The following ADGRB2 variants were observed in gnomAD, a reference collection of about 807,000 sequenced individuals.
ADGRB2 encodes adhesion G protein-coupled receptor B2, also known as brain-specific angiogenesis inhibitor 2.
ADGRB2 carries 47 observed loss-of-function variants against 178.7 expected under a neutral mutation model. The observed-to-expected ratio is 0.26, with a 90% CI of 0.21 to 0.34. ADGRB2 has a LOEUF of 0.34. ADGRB2 is among the 10% of genes least tolerant of loss of function. The probability of loss-of-function intolerance (pLI) is 1.00; values close to 1 mark genes in which losing one functional copy is unlikely to be tolerated. For missense variants in ADGRB2, 1,584 were observed against 2,180.8 expected, an observed-to-expected ratio of 0.73 and a Z score of 5.45; for synonymous variants, 870 against 912.4, an observed-to-expected ratio of 0.95 and a Z score of 0.84.
rs1645951377 is a variant in ADGRB2 at position 31,741,293 on chromosome 1, G to A, written c.1794+80C>T. On this transcript the variant is annotated intron_variant, in intron 11 of 32. Coordinates refer to ENST00000373658, the MANE Select transcript of ADGRB2 (RefSeq NM_001364857.2). The surrounding 1 kb of genome is among the most constrained non-coding windows in gnomAD (Gnocchi z 6.5). ...CATATGCCAAGGCACGTGGGAACGAGCGAGAATCACGCTCCCTCCACCCCC... is the reference window on the plus strand; with the variant it reads ...CATATGCCAAGGCACGTGGGAACGAACGAGAATCACGCTCCCTCCACCCCC... The A allele has an allele frequency of 2.0e-5, 28 of 1,420,046 alleles. No homozygotes were observed. The South Asian group carries it at 3.6e-4, about 18-fold the overall frequency. The allele number at this position is 1,420,046 out of a possible 1,614,324, so 88.0% of individuals were successfully genotyped here. A position where few individuals can be genotyped will look rare whatever the true frequency, so the allele number is the denominator to read the frequency against.
chr1:31,732,749 C>A, intron 26 of ADGRB2, 137 bp from the exon 27 acceptor site: 1 of 1,170,898 alleles, frequency 8.5e-7, no homozygotes. Flanking sequence ...GGTGATGACA[C>A]CTGGGCAGGG....
At chr1:31,749,546 C>T (rs139052793) in intron 4 of ADGRB2, among the ~76,000 whole-genome samples, 2 of 152,364 alleles carry the variant, frequency 1.3e-5, no homozygotes, top group African/African-American at 4.8e-5. Context: ...CACTTTCTAC[C>T]ATATAGGTTC....
At chr1:31,745,575 A>G (rs550075913) in intron 4 of ADGRB2, among the ~76,000 whole-genome samples, 16 of 152,164 alleles carry the variant, frequency 1.1e-4, no homozygotes, top group African/African-American at 3.1e-4. Flanking sequence ...CTCTCCCACA[A>G]TGGGGTGTCA....
chr1:31,756,187 C>T lies in ADGRB2; in HGVS notation c.650G>A (p.Gly217Asp), dbSNP rs1171753109. The T allele has an allele frequency of 1.2e-6, 2 of 1,613,004 alleles. No individual in the cohort carries two copies. Among genetic ancestry groups the T allele is most frequent in the Middle Eastern group, 3.3e-4 (2 of 6,058 alleles). The change falls in exon 4 of 33, where the codon GGC becomes GAC. Residue 217 changes from glycine (G) to aspartate (D), a missense_variant. Transcript: ENST00000373658. The surrounding 1 kb of genome is among the most constrained non-coding windows in gnomAD (Gnocchi z 8.5). ...ECGRAAGRAC[G>D]FAQPGCSCPG... Reference sequence around the variant, plus strand: ...GCAGCTGCAGCCTGGCTGAGCAAAGCCGCAGGCCCTGCCGGCAGCGCGGCC... The same window carrying T: ...GCAGCTGCAGCCTGGCTGAGCAAAGTCGCAGGCCCTGCCGGCAGCGCGGCC...
At position 31,728,427 on chromosome 1, in the gene ADGRB2, G is replaced by T; in HGVS notation, c.4417-147C>A. The T allele has an allele frequency of 7.5e-7, 1 of 1,337,514 alleles. No individual in the cohort carries two copies. Among genetic ancestry groups the T allele is most frequent in the Non-Finnish European group, 1.1e-6 (1 of 939,242 alleles). The allele number at this position is 1,337,514 out of a possible 1,614,324, so 82.9% of individuals were successfully genotyped here. On this transcript the variant is annotated intron_variant, in intron 30 of 32. Coordinates refer to ENST00000373658, the MANE Select transcript of ADGRB2 (RefSeq NM_001364857.2). This position sits in a 1 kb window ranked among gnomAD's most constrained non-coding sequence, Gnocchi z 6.7. ...GACCTAGTTCTCTCTTCACGTTGGTGCTATGGGCTTGGGCAGGGAGGGAAT... is the reference window on the plus strand; with the variant it reads ...GACCTAGTTCTCTCTTCACGTTGGTTCTATGGGCTTGGGCAGGGAGGGAAT...
chr1:31,738,788 C>T (rs1645772063), intron 16 of ADGRB2, 44 bp downstream of exon 16: 1 of 1,607,844 alleles, frequency 6.2e-7, no homozygotes, highest in South Asian at 1.1e-5. Flanking sequence ...TCTGGCCACC[C>T]AGGTTGAGGT....
At position 31,741,851 on chromosome 1, in the gene ADGRB2, A is replaced by C; in HGVS notation, c.1534T>G (p.Cys512Gly). The part of the protein sequence containing the change: ...CQATGTQGYP[C>G]EGTGEEVKPC... ...TTCACCTCCTCTCCGGTGCCCTCGCAGGGGTAGCCCTGCGTGCCCGTGGCC... is the reference window on the plus strand; with the variant it reads ...TTCACCTCCTCTCCGGTGCCCTCGCCGGGGTAGCCCTGCGTGCCCGTGGCC... Residue 512 changes from cysteine (C) to glycine (G), a missense_variant, in exon 9 of 33, where the codon TGC (cysteine) becomes GGC (glycine). By Grantham distance (159) the Cys-to-Gly change is radical (BLOSUM62 -3). Transcript: ENST00000373658. This position sits in a 1 kb window ranked among gnomAD's most constrained non-coding sequence, Gnocchi z 6.5. 1 of 1,607,300 alleles carries C rather than the reference A, an allele frequency of 6.2e-7. No individual in the cohort carries two copies. The highest frequency in any genetic ancestry group is 8.5e-7 in the Non-Finnish European group (1 of 1,175,264).
intron 7 of ADGRB2, among the ~76,000 whole-genome samples, 187 bp downstream of exon 7, chr1:31,742,651 A>G (rs1309981616): frequency 6.6e-6 from 1 of 152,132 alleles, no homozygotes; most frequent in Non-Finnish European, 1.5e-5. Flanking sequence ...TGTCAGGGCT[A>G]GGGGTCAAGT....
Position 31,727,788 on chromosome 1 carries a change from C to T in ADGRB2, c.4573-183G>A. On this transcript the variant is annotated intron_variant, in intron 32 of 32. Transcript: ENST00000373658. This position sits in a 1 kb window ranked among gnomAD's most constrained non-coding sequence, Gnocchi z 4.4. ...GGGTGGGGCTCCTGACCCCTGTTCT[C>T]AGTGGCCCCCAGGACATGTCTCCTG... The T allele has an allele frequency of 1.2e-6, 1 of 850,156 alleles. No individual in the cohort carries two copies. Among genetic ancestry groups the T allele is most frequent in the Non-Finnish European group, 1.8e-6 (1 of 568,942 alleles). 52.7% of individuals were successfully genotyped at this position (850,156 alleles called of 1,614,324 possible).
rs1469601077 is a variant in ADGRB2, at chr1:31,759,336, T to C, written c.-190-1825A>G. On this transcript the variant is annotated intron_variant, in intron 1 of 32. Transcript: ENST00000373658. The surrounding 1 kb of genome is among the most constrained non-coding windows in gnomAD (Gnocchi z 4.3). ...GAGAACACACATGAGTATCTGGCCCTCTGAGGCTCAGCATATGACAGCTAA... is the reference window on the plus strand; with the variant it reads ...GAGAACACACATGAGTATCTGGCCCCCTGAGGCTCAGCATATGACAGCTAA... 15 of 779,722 alleles carry C rather than the reference T, an allele frequency of 1.9e-5. No individual in the cohort carries two copies. In the East Asian group the frequency reaches 3.4e-4, roughly 18 times the overall value. 48.3% of individuals were successfully genotyped at this position (779,722 alleles called of 1,614,324 possible).
In ADGRB2 at chr1:31,758,895, AC is replaced by A. The variant is rs2149069476; in HGVS notation, c.-190-1385del. On this transcript the variant is annotated intron_variant, in intron 1 of 32. Coordinates refer to ENST00000373658, the MANE Select transcript of ADGRB2 (RefSeq NM_001364857.2). This position sits in a 1 kb window ranked among gnomAD's most constrained non-coding sequence, Gnocchi z 4.2. ...CTCAGCTCGCCCCACCTGCTGCGGC[AC>A]TAGCCAAGCCAGCGGCTGATGATGA... Among the ~76,000 whole-genome samples, 1 of 152,274 alleles carries A rather than the reference AC, an allele frequency of 6.6e-6. No individual in the cohort carries two copies. The highest frequency in any genetic ancestry group is 2.1e-4 in the South Asian group (1 of 4,822).
In ADGRB2 at chr1:31,728,202, G is replaced by C; in HGVS notation, c.4495C>G (p.Arg1499Gly). Residue 1499 changes from arginine (R) to glycine (G), a missense_variant, in exon 31 of 33, where the codon CGC (arginine) becomes GGC (glycine). By Grantham distance (125) the Arg-to-Gly change is moderately radical (BLOSUM62 -2). Coordinates refer to ENST00000373658, the MANE Select transcript of ADGRB2 (RefSeq NM_001364857.2). This position sits in a 1 kb window ranked among gnomAD's most constrained non-coding sequence, Gnocchi z 6.7. ...CTCACCTTGGCCGTGGACTGGCTGC[G>C]GTAGCGGTCGAAAGTGTGGAACTTC... ...NQKFHTFDRY[R>G]SQSTAKREKR... 6.2e-7 allele frequency: 1 copy of C among 1,614,190 alleles called. No homozygotes were observed. Among genetic ancestry groups the C allele is most frequent in the Non-Finnish European group, 8.5e-7 (1 of 1,180,024 alleles).
At position 31,728,662 on chromosome 1, in the gene ADGRB2, A is replaced by G. The variant is rs775126848; in HGVS notation, c.4381-29T>C. 3.7e-6 allele frequency: 6 copies of G among 1,613,426 alleles called. No homozygotes were observed. The highest frequency in any genetic ancestry group is 5.1e-6 in the Non-Finnish European group (6 of 1,179,652). Reference sequence around the variant, plus strand: ...GGAAGGAGCAACAAGGAGGCAATGGAGGAGAAGAAAGCTTTTTACCACCGG... The same window carrying G: ...GGAAGGAGCAACAAGGAGGCAATGGGGGAGAAGAAAGCTTTTTACCACCGG... On this transcript the variant is annotated intron_variant, in intron 29 of 32. Coordinates refer to ENST00000373658, the MANE Select transcript of ADGRB2 (RefSeq NM_001364857.2). The surrounding 1 kb of genome is among the most constrained non-coding windows in gnomAD (Gnocchi z 6.7).
At chr1:31,750,603 ACAAAGCAATCGTCC>A (rs1646516695) in intron 4 of ADGRB2, among the ~76,000 whole-genome samples, 1 of 152,140 alleles carries the variant, frequency 6.6e-6, no homozygotes, top group African/African-American at 2.4e-5. Flanking sequence ...GCTGTGATTT[ACAAAGCAATCGTCC>A]CTTCCCTGGG....
At position 31,736,407 on chromosome 1, in the gene ADGRB2, GC is replaced by G. The variant is rs1645609315; in HGVS notation, c.3131-18del. ...CAGGCAGACCTGGGGGAGCAGGGGT[GC>G]CAGAGTGAGATGGTTGCTGGTCTTC... is the stretch of plus-strand genomic sequence containing the variant. On this transcript the variant is annotated intron_variant, in intron 21 of 32. Coordinates refer to ENST00000373658, the MANE Select transcript of ADGRB2 (RefSeq NM_001364857.2). 1 of 1,613,504 alleles carries G rather than the reference GC, an allele frequency of 6.2e-7. No individual in the cohort carries two copies. The highest frequency in any genetic ancestry group is 1.3e-5 in the African/African-American group (1 of 74,882).
In ADGRB2 at chr1:31,743,018, T is replaced by C. The variant is rs376270733; in HGVS notation, c.1088-16A>G. 1 of 1,412,274 alleles carries C rather than the reference T, an allele frequency of 7.1e-7. No homozygotes were observed. 87.5% of individuals were successfully genotyped at this position (1,412,274 alleles called of 1,614,324 possible). ...ACGCCGTGCACTGCAAGGAAGCACG[T>C]GGCCGGTGGCTGGGCGGCACCATGG... On this transcript the variant is annotated splice_polypyrimidine_tract_variant and intron_variant, in intron 6 of 32. Coordinates refer to ENST00000373658, the MANE Select transcript of ADGRB2 (RefSeq NM_001364857.2).
At chr1:31,763,734 G>A (rs1647118699) in intron 1 of ADGRB2, 150 bp downstream of exon 1, 5 of 957,138 alleles carry the variant, frequency 5.2e-6, no homozygotes, top group African/African-American at 1.8e-5. Context: ...GGGGGTGGGC[G>A]AACGCTGAAC....
intron 29 of ADGRB2, among the ~76,000 whole-genome samples, chr1:31,729,151 A>C (rs570447824): frequency 1.8e-4 from 27 of 151,976 alleles, no homozygotes; most frequent in Non-Finnish European, 2.9e-5. Context: ...GTCCCAGACC[A>C]CTTTCAAGGC....
chr1:31,748,159 C>T (rs1005423281), intron 4 of ADGRB2, among the ~76,000 whole-genome samples: 1 of 152,194 alleles, frequency 6.6e-6, no homozygotes, highest in East Asian at 1.9e-4. Context: ...GCTGGCCAGC[C>T]CCACAATGTA....
Sources: allele counts gnomAD v4.1 joint callset (sites outside exome capture counted in the v4.1 genomes callset), GRCh38; gene constraint gnomAD v4.1.1; non-coding constraint Gnocchi (gnomAD v3.1); transcripts MANE v1.5; gene names NCBI Gene and HGNC (gene_info 2026-07-23, HGNC 2026-07-21).